The following PLXNA4 variants were observed in gnomAD, a reference collection of about 807,000 sequenced individuals.
PLXNA4 encodes the protein plexin A4.
PLXNA4 carries 44 observed loss-of-function variants against 191.8 expected under a neutral mutation model. The observed-to-expected ratio is 0.23, with a 90% confidence interval of 0.18 to 0.29. The LOEUF (loss-of-function observed/expected upper bound fraction) is 0.29. PLXNA4 is among the 10% of genes least tolerant of loss of function. PLXNA4 has a pLI of 1.00. For synonymous variants in PLXNA4, 1,082 were observed against 1,009.5 expected, an observed-to-expected ratio of 1.07 and a Z score of -1.36; for missense variants, 1,800 against 2,488.8, an observed-to-expected ratio of 0.72 and a Z score of 5.89.
intron 3 of PLXNA4, among the ~76,000 whole-genome samples, chr7:132,486,693 A>C (rs1013441421): frequency 2.4e-4 from 36 of 152,240 alleles, no homozygotes; most frequent in African/African-American, 8.0e-4. Flanking sequence ...GAAATTAGAT[A>C]GAATATCCCA....
At chr7:132,373,741 G>T (rs1385127614) in intron 3 of PLXNA4, among the ~76,000 whole-genome samples, 1 of 152,206 alleles carries the variant, frequency 6.6e-6, no homozygotes, top group African/African-American at 2.4e-5. Flanking sequence ...CCATGGAAAT[G>T]CAGGGGTGGA....
intron 2 of PLXNA4, among the ~76,000 whole-genome samples, chr7:132,623,557 C>T (rs1037323862): frequency 9.2e-5 from 14 of 152,150 alleles, no homozygotes; most frequent in African/African-American, 3.1e-4. Context: ...GACTATCCAG[C>T]TCCTTCCACC....
intron 3 of PLXNA4, among the ~76,000 whole-genome samples, chr7:132,355,071 C>T (rs1803643280): frequency 6.6e-6 from 1 of 152,206 alleles, no homozygotes; most frequent in Non-Finnish European, 1.5e-5. Context: ...CAGATGCCCC[C>T]TCTTCCTGCC....
Position 132,125,023 on chromosome 7 carries a change from C to T in PLXNA4, c.*5456G>A, listed in dbSNP as rs1794731064. 1 of 150,376 alleles carries T rather than the reference C, an allele frequency of 6.6e-6. No individual in the cohort carries two copies. The highest frequency in any genetic ancestry group is 1.5e-5 in the Non-Finnish European group (1 of 67,692). 9.3% of individuals were successfully genotyped at this position (150,376 alleles called of 1,614,324 possible). ...CTAATAAAATAATTTTATGGGGGAG[C>T]AAAAATTTGTAGTAAAAAAAAAAAA... On this transcript the variant is annotated 3_prime_UTR_variant, in exon 32 of 32. Transcript: ENST00000321063.
At chr7:132,646,702 T>G (rs1803876339) in intron 1 of PLXNA4, among the ~76,000 whole-genome samples, 1 of 152,132 alleles carries the variant, frequency 6.6e-6, no homozygotes, top group Admixed American at 6.5e-5. Flanking sequence ...CCACTCAGTC[T>G]GAGCCCTACT....
intron 4 of PLXNA4, among the ~76,000 whole-genome samples, chr7:132,281,718 A>G (rs2116398385): frequency 6.6e-6 from 1 of 152,272 alleles, no homozygotes; most frequent in Non-Finnish European, 1.5e-5. Context: ...ATTTTTTCAA[A>G]GTTACCAGCA....
At chr7:132,259,636 C>T (rs537020837) in intron 4 of PLXNA4, among the ~76,000 whole-genome samples, 8 of 151,862 alleles carry the variant, frequency 5.3e-5, no homozygotes, top group Non-Finnish European at 1.2e-4. Context: ...TAGTGAGGGG[C>T]GGTCCATCCA....
intron 3 of PLXNA4, among the ~76,000 whole-genome samples, chr7:132,405,828 T>A (rs1179037444): frequency 6.6e-6 from 1 of 152,164 alleles, no homozygotes; most frequent in Non-Finnish European, 1.5e-5. Flanking sequence ...ACCCAGGAAA[T>A]CTTACTCACA....
In PLXNA4 at chr7:132,130,517, G is replaced by A; in HGVS notation, c.5647C>T (p.Leu1883=). The A allele has an allele frequency of 6.2e-7, 1 of 1,614,210 alleles. No individual in the cohort carries two copies. Residue 1883 remains leucine (L), a synonymous_variant, in exon 32 of 32, where the codon CTA becomes TTA. Coordinates refer to ENST00000321063, the MANE Select transcript of PLXNA4 (RefSeq NM_020911.2). The part of the protein sequence containing the change: ...QCGKQKLAYK[L]EQVITLMSLD... The stretch of plus-strand genomic sequence containing the variant: ...CTCATGAGGGTTATGACTTGTTCTA[G>A]TTTGTAGGCCAGTTTCTGCTTCCCA...
chr7:132,457,666 G>T (rs1207293083), intron 3 of PLXNA4, among the ~76,000 whole-genome samples: 1 of 151,904 alleles, frequency 6.6e-6, no homozygotes, highest in African/African-American at 2.4e-5. Context: ...TTGAGATGGA[G>T]GAGATTACCC....
intron 3 of PLXNA4, among the ~76,000 whole-genome samples, chr7:132,374,888 C>T (rs896789291): frequency 1.3e-5 from 2 of 152,174 alleles, no homozygotes; most frequent in African/African-American, 4.8e-5. Flanking sequence ...GGTAAGCCAC[C>T]CAGAGTCAGT....
rs1796703055 is a variant in PLXNA4, at chr7:132,181,485, T to G, written c.3388A>C (p.Ile1130Leu). ...TAGGTGAAGTTGGTCTTGTTGAGGA[T>G]GAGCAGGGACTGGACGTTGTCCAGG... The part of the protein sequence containing the change: ...FILDNVQSLL[I>L]LNKTNFTYYP... Residue 1130 changes from isoleucine to leucine, a missense_variant, in exon 18 of 32, where the codon ATC becomes CTC. Ile to Leu is a conservative substitution (Grantham distance 5). This residue lies in a region of PLXNA4 where 1,397 missense variants were observed against 1,880.4 expected (regional missense o/e 0.74). Transcript: ENST00000321063. 6.2e-7 allele frequency: 1 copy of G among 1,613,964 alleles called. No homozygotes were observed. The highest frequency in any genetic ancestry group is 1.3e-5 in the African/African-American group (1 of 74,880).
At chr7:132,448,617 T>G (rs896294045) in intron 3 of PLXNA4, among the ~76,000 whole-genome samples, 50 of 152,186 alleles carry the variant, frequency 3.3e-4, no homozygotes, top group Non-Finnish European at 6.6e-4. Context: ...TTTCCTTCCT[T>G]CCTAACTAGG....
chr7:132,556,450 T>A (rs1234715007), intron 1 of PLXNA4, among the ~76,000 whole-genome samples: 1 of 152,188 alleles, frequency 6.6e-6, no homozygotes, highest in Non-Finnish European at 1.5e-5. Context: ...TAGAATTGAG[T>A]CTGCAACTTG....
chr7:132,577,438 C>A (rs1003449948), upstream of PLXNA4: 2 of 151,388 alleles, frequency 1.3e-5, no homozygotes, highest in African/African-American at 4.9e-5. Flanking sequence ...TCCTCCCTGC[C>A]GCCCGCCGCC....
In PLXNA4 at chr7:132,508,734, A is replaced by C. The variant is rs1406622064; in HGVS notation, c.-41T>G. ...CAGTGGCACAGCAGCACTCAGGCACAGTCGTCCCCTCAGAGGGCCAGGACT... is the reference window on the plus strand; with the variant it reads ...CAGTGGCACAGCAGCACTCAGGCACCGTCGTCCCCTCAGAGGGCCAGGACT... On this transcript the variant is annotated 5_prime_UTR_variant, in exon 2 of 32. Coordinates refer to ENST00000321063, the MANE Select transcript of PLXNA4 (RefSeq NM_020911.2). This position sits in a 1 kb window ranked among gnomAD's most constrained non-coding sequence, Gnocchi z 4.4. The C allele has an allele frequency of 1.4e-6, 2 of 1,466,056 alleles. No individual in the cohort carries two copies. The highest frequency in any genetic ancestry group is 5.0e-5 in the East Asian group (2 of 40,370). The allele number at this position is 1,466,056 out of a possible 1,614,324, so 90.8% of individuals were successfully genotyped here. A position where few individuals can be genotyped will look rare whatever the true frequency, so the allele number is the denominator to read the frequency against.
chr7:132,547,393 A>G (rs910967618), intron 1 of PLXNA4, among the ~76,000 whole-genome samples: 1 of 151,518 alleles, frequency 6.6e-6, no homozygotes, highest in East Asian at 1.9e-4. Context: ...GCTTTCTTAA[A>G]CCCCCCCACA....
intron 2 of PLXNA4, among the ~76,000 whole-genome samples, 179 bp downstream of exon 2, chr7:132,507,327 T>C (rs968884305): frequency 2.6e-5 from 4 of 152,172 alleles, no homozygotes; most frequent in Non-Finnish European, 5.9e-5. Context: ...ATACATTCAA[T>C]GTCATAGTTG....
chr7:132,151,688 G>A (rs1795650396), intron 25 of PLXNA4, among the ~76,000 whole-genome samples: 1 of 152,108 alleles, frequency 6.6e-6, no homozygotes, highest in Admixed American at 6.5e-5. Context: ...TTGTTTTGTA[G>A]CATCTACAAC....
Sources: allele counts gnomAD v4.1 joint callset (sites outside exome capture counted in the v4.1 genomes callset), GRCh38; gene constraint gnomAD v4.1.1; regional missense constraint gnomAD v4.1.1; non-coding constraint Gnocchi (gnomAD v3.1); transcripts MANE v1.5; gene names NCBI Gene and HGNC (gene_info 2026-07-23, HGNC 2026-07-21).